Variants in CAST observed in about 807,000 individuals in gnomAD.
CAST encodes the protein MIR583 host.
CAST carries 76 observed loss-of-function variants against 119.6 expected under a neutral mutation model. The ratio of observed to expected loss-of-function variants is 0.64; its 90% confidence interval spans 0.53 to 0.77. CAST has a LOEUF of 0.77. Ranked by LOEUF, CAST falls within the 30% of genes least tolerant of loss-of-function variation. The pLI is 0.00. For synonymous variants in CAST, 319 were observed against 331.6 expected, an observed-to-expected ratio of 0.96 and a Z score of 0.41; for missense variants, 953 against 946.5, an observed-to-expected ratio of 1.01 and a Z score of -0.09.
At chr5:96,085,448 A>T in the CAST span, among the ~76,000 whole-genome samples, 1 of 152,212 alleles carries the variant, frequency 6.6e-6, no homozygotes, top group African/African-American at 2.4e-5. Context: ...GACATTTATT[A>T]TAAAAGCAAA....
chr5:96,608,254 A>G (rs1202651949), intron 1 of CAST, among the ~76,000 whole-genome samples: 1 of 152,196 alleles, frequency 6.6e-6, no homozygotes, highest in Non-Finnish European at 1.5e-5. Context: ...AGGTTCATCA[A>G]TGTTGTACCA....
At chr5:96,370,681 TTGGATTGTAAG>T in the CAST span, among the ~76,000 whole-genome samples, 8 of 152,176 alleles carry the variant, frequency 5.3e-5, no homozygotes, top group Non-Finnish European at 1.0e-4. Flanking sequence ...TAGGAAGAGT[TTGGATTGTAAG>T]TGCCTAGCCT....
the CAST span, among the ~76,000 whole-genome samples, chr5:95,975,748 T>G: frequency 6.6e-6 from 1 of 152,306 alleles, no homozygotes; most frequent in South Asian, 2.1e-4. Context: ...AGGTCATCTA[T>G]GCATCCACAG....
chr5:96,625,738 G>A (rs1747707071), intron 1 of CAST, among the ~76,000 whole-genome samples: 1 of 152,206 alleles, frequency 6.6e-6, no homozygotes, highest in African/African-American at 2.4e-5. Flanking sequence ...GGGAAGGACA[G>A]ATGGCTGACA....
At chr5:96,329,040 T>G in the CAST span, among the ~76,000 whole-genome samples, 1 of 152,224 alleles carries the variant, frequency 6.6e-6, no homozygotes, top group Non-Finnish European at 1.5e-5. Flanking sequence ...TAAATTTTCT[T>G]TCTTGGCATA....
At chr5:96,608,684 A>G (rs527981180) in intron 1 of CAST, among the ~76,000 whole-genome samples, 57 of 152,290 alleles carry the variant, frequency 3.7e-4, no homozygotes, top group African/African-American at 1.3e-3. Flanking sequence ...ACTATCTGAG[A>G]CTGGGTAATT....
the CAST span, among the ~76,000 whole-genome samples, chr5:96,440,672 T>C: frequency 6.6e-6 from 1 of 152,018 alleles, no homozygotes; most frequent in Non-Finnish European, 1.5e-5. Context: ...TCATTTAGGG[T>C]AGGGCCATAC....
intron 22 of CAST, among the ~76,000 whole-genome samples, chr5:96,756,693 C>A (rs1022318513): frequency 6.6e-6 from 1 of 152,160 alleles, no homozygotes; most frequent in African/African-American, 2.4e-5. Flanking sequence ...AAACAAAAAC[C>A]AACCTTAACC....
chr5:96,066,812 A>G, the CAST span, among the ~76,000 whole-genome samples: 1 of 151,834 alleles, frequency 6.6e-6, no homozygotes, highest in Non-Finnish European at 1.5e-5. Flanking sequence ...GGCATGCACC[A>G]CCATGCCTGG....
chr5:96,471,983 C>A, the CAST span, among the ~76,000 whole-genome samples: 53,515 of 151,868 alleles, frequency 0.35, 9,719 homozygotes, highest in Middle Eastern at 0.45. Flanking sequence ...TTCTCTAATG[C>A]AAAATAAAAT....
At chr5:96,300,084 G>C in the CAST span, among the ~76,000 whole-genome samples, 1 of 152,048 alleles carries the variant, frequency 6.6e-6, no homozygotes, top group African/African-American at 2.4e-5. Context: ...TGTTTCCTCT[G>C]TTGTGCAGAA....
chr5:96,019,630 C>T, the CAST span, among the ~76,000 whole-genome samples: 1 of 152,160 alleles, frequency 6.6e-6, no homozygotes, highest in Non-Finnish European at 1.5e-5. Flanking sequence ...GATATCTAGA[C>T]TCCCCAGAAC....
intron 3 of CAST, among the ~76,000 whole-genome samples, chr5:96,713,711 C>T (rs989079888): frequency 2.0e-5 from 3 of 152,106 alleles, no homozygotes; most frequent in Admixed American, 2.0e-4. Flanking sequence ...TGGTGGCTCA[C>T]ACCTGTAATC....
chr5:96,718,494 C>T lies in CAST; in HGVS notation c.211-4145C>T, dbSNP rs567886827. ...ATCTGTCCACCAAACCCCCATGACA[C>T]GCAGTTTACCTGTTTAACAAACTTA... is the stretch of plus-strand genomic sequence containing the variant. On this transcript the variant is annotated intron_variant, in intron 3 of 31. Transcript: ENST00000675179. Among the ~76,000 whole-genome samples, 182 of 151,918 alleles carry T rather than the reference C, an allele frequency of 1.2e-3. 2 individuals carry two copies. The South Asian group carries it at 0.036, about 30-fold the overall frequency.
chr5:96,410,948 C>T, the CAST span: 26 of 1,613,796 alleles, frequency 1.6e-5, no homozygotes, highest in African/African-American at 8.0e-5. Flanking sequence ...CCCCGTTTCC[C>T]GAAGCCCAGA....
intron 1 of CAST, among the ~76,000 whole-genome samples, chr5:96,667,037 A>G (rs1749433394): frequency 6.6e-6 from 1 of 152,118 alleles, no homozygotes; most frequent in Non-Finnish European, 1.5e-5. Context: ...AAAGCTTTAC[A>G]GCCACCATAA....
chr5:96,626,833 A>T (rs1747733672), intron 1 of CAST, among the ~76,000 whole-genome samples: 2 of 152,230 alleles, frequency 1.3e-5, no homozygotes, highest in African/African-American at 4.8e-5. Flanking sequence ...GTACCCACGC[A>T]CAGCAAGAGC....
chr5:96,303,383 T>C, the CAST span, among the ~76,000 whole-genome samples: 2 of 152,142 alleles, frequency 1.3e-5, no homozygotes, highest in Non-Finnish European at 2.9e-5. Flanking sequence ...TTTTGTGAAA[T>C]ATTTAGGATT....
intron 1 of CAST, among the ~76,000 whole-genome samples, chr5:96,669,974 A>G (rs935672435): frequency 1.3e-5 from 2 of 152,250 alleles, no homozygotes; most frequent in African/African-American, 2.4e-5. Flanking sequence ...TGTTTCTAAA[A>G]GCTTCCCAGG....
Sources: gnomAD v4.1 joint callset for allele counts (sites outside exome capture counted in the v4.1 genomes callset) on GRCh38, gnomAD v4.1.1 for gene constraint, MANE v1.5 for transcripts, NCBI Gene and HGNC (gene_info 2026-07-23, HGNC 2026-07-21) for gene names.